MACROD2: variants seen among roughly 807,000 people sequenced by gnomAD.
The protein encoded by MACROD2 is ADP-ribose glycohydrolase MACROD2.
MACROD2 carries 36 observed loss-of-function variants against 70.4 expected under a neutral mutation model. The observed-to-expected ratio is 0.51, with a 90% confidence interval of 0.39 to 0.68. The LOEUF (loss-of-function observed/expected upper bound fraction) is 0.68, where lower values mean the gene tolerates loss of function less well. Among genes scored for constraint, MACROD2 ranks in the 30% least tolerant of loss-of-function variants. The pLI, the probability that MACROD2 is intolerant of heterozygous loss-of-function variation, is 0.00. For missense variants in MACROD2, 496 were observed against 538.4 expected (o/e 0.92, Z 0.78); for synonymous variants, 172 against 178.8 (o/e 0.96, Z 0.30).
intron 8 of MACROD2, among the ~76,000 whole-genome samples, chr20:15,638,426 T>C (rs2146767831): frequency 6.6e-6 from 1 of 152,316 alleles, no homozygotes; most frequent in East Asian, 1.9e-4. Flanking sequence ...AAAGAAATGG[T>C]TACTTTTTAA....
intron 5 of MACROD2, among the ~76,000 whole-genome samples, chr20:15,111,698 A>C (rs2075956665): frequency 6.6e-6 from 1 of 152,234 alleles, no homozygotes; most frequent in Non-Finnish European, 1.5e-5. Context: ...TTAGGTGGGC[A>C]TCACATACAA....
intron 8 of MACROD2, among the ~76,000 whole-genome samples, chr20:15,618,277 T>C (rs1024442208): frequency 6.6e-6 from 1 of 152,148 alleles, no homozygotes; most frequent in African/African-American, 2.4e-5. Flanking sequence ...TGTTCTCAGC[T>C]AACTGCAGAA....
intron 3 of MACROD2, among the ~76,000 whole-genome samples, chr20:14,492,647 C>A (rs769346292): frequency 1.3e-4 from 19 of 151,986 alleles, no homozygotes; most frequent in Non-Finnish European, 2.6e-4. Context: ...TGGTTGCTAC[C>A]TACTTTCCCT....
intron 4 of MACROD2, among the ~76,000 whole-genome samples, chr20:14,560,556 A>G (rs1231106764): frequency 1.3e-5 from 2 of 151,922 alleles, no homozygotes; most frequent in African/African-American, 4.8e-5. Flanking sequence ...CATTTTATTA[A>G]TGATTATTAC....
chr20:15,522,564 GC>G (rs2146532223), intron 8 of MACROD2, among the ~76,000 whole-genome samples: 1 of 152,290 alleles, frequency 6.6e-6, no homozygotes, highest in South Asian at 2.1e-4. Flanking sequence ...GTTGAGAGTA[GC>G]CCTTTAAAGT....
At chr20:14,975,366 C>T (rs73272435) in intron 5 of MACROD2, among the ~76,000 whole-genome samples, 21,053 of 151,856 alleles carry the variant, frequency 0.14, 1,749 homozygotes, top group East Asian at 0.33. Flanking sequence ...AGGGACTGGG[C>T]CTGTGAAGTG....
At chr20:15,566,501 A>C (rs1418936430) in intron 8 of MACROD2, among the ~76,000 whole-genome samples, 1 of 151,312 alleles carries the variant, frequency 6.6e-6, no homozygotes, top group Non-Finnish European at 1.5e-5. Context: ...CTGTCTCCAA[A>C]AAAAAAAAAG....
chr20:15,442,662 A>G (rs1414627834), intron 7 of MACROD2, among the ~76,000 whole-genome samples: 1 of 152,126 alleles, frequency 6.6e-6, no homozygotes, highest in African/African-American at 2.4e-5. Flanking sequence ...CTTGGGGTCT[A>G]CACATCTGAC....
chr20:15,487,912 G>A (rs531494850), intron 7 of MACROD2, among the ~76,000 whole-genome samples: 3 of 152,208 alleles, frequency 2.0e-5, no homozygotes, highest in African/African-American at 4.8e-5. Flanking sequence ...CTGCTGAGAC[G>A]GTGATGACGT....
intron 5 of MACROD2, among the ~76,000 whole-genome samples, chr20:14,728,228 CT>C (rs1161237521): frequency 1.3e-5 from 2 of 152,122 alleles, no homozygotes; most frequent in Non-Finnish European, 2.9e-5. Context: ...ATACTAATCA[CT>C]TAAAGATGTA....
At chr20:15,392,028 T>G (rs1451802375) in intron 6 of MACROD2, among the ~76,000 whole-genome samples, 2 of 152,170 alleles carry the variant, frequency 1.3e-5, no homozygotes, top group Non-Finnish European at 2.9e-5. Flanking sequence ...GCTTGTTCAT[T>G]TTTTTAAGTG....
intron 5 of MACROD2, among the ~76,000 whole-genome samples, chr20:14,730,979 GCACACA>G (rs11474396): frequency 2.1e-4 from 29 of 138,932 alleles, no homozygotes; most frequent in African/African-American, 3.6e-4. Flanking sequence ...AACAGGTTTA[GCACACA>G]CACACACACA....
chr20:15,711,039 A>T (rs983478082), intron 8 of MACROD2, among the ~76,000 whole-genome samples: 1 of 152,204 alleles, frequency 6.6e-6, no homozygotes, highest in Non-Finnish European at 1.5e-5. Flanking sequence ...CTTATATTTT[A>T]TTGCTTTAAT....
intron 5 of MACROD2, among the ~76,000 whole-genome samples, chr20:15,066,446 T>TGCTTAAGCA (rs1351903562): frequency 3.3e-5 from 5 of 152,134 alleles, no homozygotes; most frequent in African/African-American, 1.2e-4. Context: ...CAAGAGCTGC[T>TGCTTAAGCA]GCTTAAGACC....
At chr20:14,951,085 T>C (rs993109961) in intron 5 of MACROD2, among the ~76,000 whole-genome samples, 1 of 152,008 alleles carries the variant, frequency 6.6e-6, no homozygotes, top group South Asian at 2.1e-4. Flanking sequence ...AGTCAGTCAG[T>C]TGGGAATGAG....
At position 14,248,911 on chromosome 20, in the gene MACROD2, C is replaced by G. The variant is rs112088808; in HGVS notation, c.271+163183C>G. Reference sequence around the variant, plus strand: ...TTAGATTTTTAAAAATACATTGTCTCTAGTTTCATTGGTCACTTAGGAAAC... The same window carrying G: ...TTAGATTTTTAAAAATACATTGTCTGTAGTTTCATTGGTCACTTAGGAAAC... On this transcript the variant is annotated intron_variant, in intron 3 of 17. Coordinates refer to ENST00000684519, the MANE Select transcript of MACROD2 (RefSeq NM_001351661.2). Among the ~76,000 whole-genome samples the G allele has an allele frequency of 1.3e-3, 200 of 152,108 alleles. 4 individuals carry two copies. The highest frequency in any genetic ancestry group is 4.6e-3 in the African/African-American group (191 of 41,512).
chr20:15,709,679 C>A (rs2050595296), intron 8 of MACROD2, among the ~76,000 whole-genome samples: 3 of 151,972 alleles, frequency 2.0e-5, no homozygotes, highest in African/African-American at 7.2e-5. Context: ...AAAGAAAAAA[C>A]AAAATATATT....
chr20:15,486,384 A>G (rs1461153134), intron 7 of MACROD2, among the ~76,000 whole-genome samples: 1 of 152,176 alleles, frequency 6.6e-6, no homozygotes, highest in East Asian at 1.9e-4. Context: ...TCTCCTTACT[A>G]AGCAAATAAG....
intron 3 of MACROD2, among the ~76,000 whole-genome samples, chr20:14,434,650 T>A (rs1429077832): frequency 4.6e-5 from 7 of 152,212 alleles, no homozygotes; most frequent in African/African-American, 1.7e-4. Context: ...CCCTTCTCTG[T>A]TGGCTCATCC....
Sources: allele counts gnomAD v4.1 joint callset (sites outside exome capture counted in the v4.1 genomes callset), GRCh38; gene constraint gnomAD v4.1.1; transcripts MANE v1.5; gene names NCBI Gene and HGNC (gene_info 2026-07-23, HGNC 2026-07-21).